DMD: variants seen among roughly 807,000 people sequenced by gnomAD.
The protein encoded by DMD is dystrophin.
DMD carries 63 observed loss-of-function variants against 330.1 expected under a neutral mutation model. That is an observed-to-expected ratio of 0.19 (90% CI 0.16 to 0.24). DMD has a LOEUF of 0.24. DMD is among the 10% of genes least tolerant of loss of function. DMD has a pLI of 1.00. For missense variants in DMD, 3,344 were observed against 2,684.1 expected, an observed-to-expected ratio of 1.25 and a Z score of -5.43; for synonymous variants, 1,223 against 959.8, an observed-to-expected ratio of 1.27 and a Z score of -5.07.
At chrX:32,163,331 G>T (rs1168317623) in intron 44 of DMD, among the ~76,000 whole-genome samples, 1 of 112,089 alleles carries the variant, frequency 8.9e-6, no homozygotes, top group Admixed American at 9.5e-5. Context: ...GACTCCCTCT[G>T]CTTCAATAGG....
chrX:33,094,344 A>ATG (rs2095126059), intron 1 of DMD, among the ~76,000 whole-genome samples: 1 of 111,792 alleles, frequency 8.9e-6, no homozygotes, highest in Non-Finnish European at 1.9e-5. Flanking sequence ...AAGACAAGGC[A>ATG]ATAGTTTCAG....
intron 44 of DMD, among the ~76,000 whole-genome samples, chrX:31,974,041 A>T (rs1197757207): frequency 1.8e-5 from 2 of 112,091 alleles, no homozygotes; most frequent in African/African-American, 6.5e-5. Flanking sequence ...GATTGGATAA[A>T]GAAAATGTGG....
chrX:31,367,219 T>C (rs2059309658), intron 60 of DMD, among the ~76,000 whole-genome samples: 1 of 111,308 alleles, frequency 9.0e-6, no homozygotes, highest in Non-Finnish European at 1.9e-5. Flanking sequence ...CCTTTCCTCC[T>C]TTATAGCTCG....
intron 1 of DMD, among the ~76,000 whole-genome samples, chrX:33,323,712 C>T (rs997142055): frequency 5.4e-5 from 6 of 111,223 alleles, no homozygotes; most frequent in African/African-American, 1.6e-4. Context: ...GCATTCATGC[C>T]GAGCACATAC....
intron 27 of DMD, 73 bp downstream of exon 27, chrX:32,448,383 T>C: frequency 8.8e-7 from 1 of 1,133,633 alleles, no homozygotes; most frequent in Non-Finnish European, 1.2e-6. Flanking sequence ...GGTATCCATG[T>C]TCTTAACCAC....
intron 44 of DMD, among the ~76,000 whole-genome samples, chrX:31,993,931 AATG>A: frequency 1.8e-5 from 2 of 111,603 alleles, no homozygotes; most frequent in Non-Finnish European, 3.8e-5. Context: ...GTTTGTCAAG[AATG>A]ATAACGGGCA....
Position 33,219,306 on chromosome X carries a change from T to TTGTGTGTGTGTGTGTG in DMD, c.7+119937_7+119952dup, listed in dbSNP as rs56332488. On this transcript the variant is annotated intron_variant, in intron 1 of 17. Transcript: ENST00000288447. ...TCTATGGTTGATACTTTAGAGATTA[T>TTGTGTGTGTGTGTGTG]TGTGTGTGTGTGTGTGTGTGTGTGT... Among the ~76,000 whole-genome samples, 40 of 72,990 alleles carry TTGTGTGTGTGTGTGTG rather than the reference T, an allele frequency of 5.5e-4. 2 individuals are homozygous for TTGTGTGTGTGTGTGTG. Among genetic ancestry groups the TTGTGTGTGTGTGTGTG allele is most frequent in the South Asian group, 9.2e-4 (1 of 1,084 alleles). The allele number at this position is 72,990 out of a possible 115,157, so 63.4% of individuals were successfully genotyped here.
At chrX:31,678,543 C>A (rs368221779) in intron 53 of DMD, among the ~76,000 whole-genome samples, 145 of 111,474 alleles carry the variant, frequency 1.3e-3, no homozygotes, top group African/African-American at 4.3e-3. Flanking sequence ...TTTCTTTTAT[C>A]CTGAGGAATT....
chrX:32,546,046 A>G (rs771915280), intron 16 of DMD, among the ~76,000 whole-genome samples: 69 of 107,152 alleles, frequency 6.4e-4, no homozygotes, highest in African/African-American at 2.1e-3. Flanking sequence ...TAGAATCTCA[A>G]TTACCTCCTG....
At chrX:31,307,273 T>C (rs770934555) in intron 62 of DMD, among the ~76,000 whole-genome samples, 1 of 112,150 alleles carries the variant, frequency 8.9e-6, no homozygotes, top group Non-Finnish European at 1.9e-5. Flanking sequence ...TTTTTTCCAG[T>C]TCACAAGTGA....
chrX:32,372,062 A>G (rs2097880809), intron 34 of DMD, among the ~76,000 whole-genome samples: 1 of 111,576 alleles, frequency 9.0e-6, no homozygotes, highest in Non-Finnish European at 1.9e-5. Context: ...GCATAGTATT[A>G]CAGTTTTGCT....
At chrX:31,357,721 C>G (rs758462814) in intron 60 of DMD, among the ~76,000 whole-genome samples, 3 of 111,241 alleles carry the variant, frequency 2.7e-5, no homozygotes, top group Non-Finnish European at 5.7e-5. Context: ...GAAGCTTGTC[C>G]GCCAGAAGAC....
At chrX:32,797,878 G>C (rs1434094428) in intron 7 of DMD, among the ~76,000 whole-genome samples, 1 of 111,138 alleles carries the variant, frequency 9.0e-6, no homozygotes, top group Non-Finnish European at 1.9e-5. Context: ...ATCTAGGTAA[G>C]AATTATATTT....
chrX:31,284,825 AAC>A (rs61401043), intron 62 of DMD, among the ~76,000 whole-genome samples: 4,387 of 91,292 alleles, frequency 0.048, 214 homozygotes, highest in African/African-American at 0.13. Context: ...TAATGGCTTA[AAC>A]ACACACACAC....
rs767314181 is a variant in DMD at position 31,170,450 on chromosome X, G to A, written c.10395-849C>T. Among the ~76,000 whole-genome samples, 56 of 110,602 alleles carry A rather than the reference G, an allele frequency of 5.1e-4. No individual in the cohort carries two copies. The Middle Eastern group carries it at 0.014, about 27-fold the overall frequency. ...TTCTGAATGCATTGCTCCAAGCTCC[G>A]GAAAGGCCTGTTTACCTCCAAGTTA... On this transcript the variant is annotated intron_variant, in intron 73 of 78. Coordinates refer to ENST00000357033, the MANE Select transcript of DMD (RefSeq NM_004006.3).
At chrX:32,746,069 G>A (rs909067740) in intron 7 of DMD, among the ~76,000 whole-genome samples, 1 of 112,069 alleles carries the variant, frequency 8.9e-6, no homozygotes, top group Admixed American at 9.5e-5. Context: ...GTAAAAATAA[G>A]CCATAATTCT....
chrX:31,653,997 A>C (rs1465335967), intron 54 of DMD, among the ~76,000 whole-genome samples: 1 of 111,751 alleles, frequency 8.9e-6, no homozygotes, highest in East Asian at 2.8e-4. Context: ...ATTTATATTT[A>C]TTCTATATAA....
chrX:31,379,237 C>T (rs1366206880), intron 60 of DMD, among the ~76,000 whole-genome samples: 1 of 110,957 alleles, frequency 9.0e-6, no homozygotes, highest in African/African-American at 3.3e-5. Context: ...ATCCTTTTAT[C>T]ACCTCCGCTC....
intron 9 of DMD, among the ~76,000 whole-genome samples, chrX:32,685,631 A>G (rs6527215): frequency 0.15 from 16,508 of 111,255 alleles, 2,906 homozygotes; most frequent in African/African-American, 0.5. Flanking sequence ...GCATCATTAC[A>G]CTTTAAATAA....
Sources: allele counts gnomAD v4.1 joint callset (sites outside exome capture counted in the v4.1 genomes callset), GRCh38; gene constraint gnomAD v4.1.1; transcripts MANE v1.5; gene names NCBI Gene and HGNC (gene_info 2026-07-23, HGNC 2026-07-21).